The following LRTM3 variants were observed in gnomAD, a reference collection of about 807,000 sequenced individuals.
LRTM3 encodes leucine rich repeat transmembrane protein 3, also known as leucine-rich repeat transmembrane protein 3.
the LRTM3 span, chr13:102,748,667 T>C: frequency 6.4e-7 from 1 of 1,550,506 alleles, no homozygotes; most frequent in Non-Finnish European, 8.7e-7. Flanking sequence ...ATCAAATGGT[T>C]TTTTACTATT....
the LRTM3 span, chr13:102,739,384 T>C: frequency 6.4e-7 from 1 of 1,550,468 alleles, no homozygotes; most frequent in Middle Eastern, 1.7e-4. Flanking sequence ...TAATTGACTC[T>C]GCAGATGATA....
chr13:102,744,869 T>C, the LRTM3 span: 2 of 1,550,744 alleles, frequency 1.3e-6, no homozygotes, highest in Non-Finnish European at 8.7e-7. Context: ...TTGTAGATCT[T>C]TATTAAACTC....
chr13:102,737,637 G>A, the LRTM3 span: 1 of 1,550,350 alleles, frequency 6.5e-7, no homozygotes, highest in Non-Finnish European at 8.7e-7. Flanking sequence ...TTGTCTTCTG[G>A]ATGCATTAAG....
the LRTM3 span, chr13:102,732,083 T>G: frequency 6.4e-7 from 1 of 1,551,434 alleles, no homozygotes; most frequent in Admixed American, 2.0e-5. Context: ...CTGGGGATCT[T>G]GTGGAACTGT....
the LRTM3 span, chr13:102,744,470 A>G: frequency 4.5e-6 from 7 of 1,550,602 alleles, no homozygotes; most frequent in African/African-American, 5.5e-5. Flanking sequence ...TGAAGTCTTT[A>G]GACCTTCCAT....
the LRTM3 span, chr13:102,740,845 C>T: frequency 1.3e-6 from 2 of 1,549,842 alleles, no homozygotes; most frequent in Non-Finnish European, 1.7e-6. Flanking sequence ...CTTTCTTTAC[C>T]TTTGGTGACT....
At chr13:102,735,965 A>C in the LRTM3 span, 10 of 1,549,024 alleles carry the variant, frequency 6.5e-6, no homozygotes, top group Non-Finnish European at 7.9e-6. Flanking sequence ...ATTGCATAGA[A>C]GTGCAAGTGG....
chr13:102,744,257 A>G, the LRTM3 span: 10 of 1,550,428 alleles, frequency 6.4e-6, no homozygotes, highest in Non-Finnish European at 8.7e-6. Flanking sequence ...TTTCTTGCCT[A>G]TAAACTCTAA....
the LRTM3 span, among the ~76,000 whole-genome samples, chr13:102,757,913 C>A: frequency 1.3e-5 from 2 of 152,212 alleles, no homozygotes; most frequent in South Asian, 4.2e-4. Flanking sequence ...GAATGGATTT[C>A]AATTAAAACA....
chr13:102,756,932 G>A, the LRTM3 span, among the ~76,000 whole-genome samples: 3 of 152,052 alleles, frequency 2.0e-5, no homozygotes, highest in African/African-American at 2.4e-5. Flanking sequence ...AATAGGACAC[G>A]GGGATGGAAA....
the LRTM3 span, chr13:102,738,688 T>C: frequency 6.4e-7 from 1 of 1,550,704 alleles, no homozygotes; most frequent in Non-Finnish European, 8.7e-7. Context: ...GGAGATTTGG[T>C]TGTGAAAAAG....
the LRTM3 span, chr13:102,742,135 G>T: frequency 6.5e-7 from 1 of 1,550,276 alleles, no homozygotes; most frequent in African/African-American, 1.4e-5. Context: ...AGTATCCAGA[G>T]TCATAAACAG....
the LRTM3 span, chr13:102,729,997 T>G: frequency 6.4e-7 from 1 of 1,551,644 alleles, no homozygotes; most frequent in Non-Finnish European, 8.7e-7. Flanking sequence ...AAATCTTCTC[T>G]TCACTGAATG....
chr13:102,749,826 T>A, the LRTM3 span: 1 of 1,551,256 alleles, frequency 6.4e-7, no homozygotes, highest in Admixed American at 2.0e-5. Context: ...TGGACAGAAA[T>A]AACCATTCCA....
chr13:102,737,960 G>A, the LRTM3 span: 1 of 1,550,806 alleles, frequency 6.4e-7, no homozygotes, highest in Non-Finnish European at 8.7e-7. Flanking sequence ...TACTCCATCT[G>A]CTTTCTGTTG....
chr13:102,744,629 T>A, the LRTM3 span: 4 of 1,550,766 alleles, frequency 2.6e-6, no homozygotes, highest in Non-Finnish European at 3.5e-6. Context: ...ACTCTTCGGT[T>A]CAGATCCTGA....
At chr13:102,731,483 A>G in the LRTM3 span, 3 of 1,551,254 alleles carry the variant, frequency 1.9e-6, no homozygotes, top group East Asian at 7.3e-5. Context: ...AAACTGTTCT[A>G]AAAGGGATTT....
chr13:102,749,698 A>G, the LRTM3 span: 5 of 1,551,412 alleles, frequency 3.2e-6, no homozygotes, highest in South Asian at 1.2e-5. Flanking sequence ...CTTTGCTCTC[A>G]GGCTGGCTCT....
the LRTM3 span, chr13:102,736,281 T>C: frequency 7.7e-6 from 12 of 1,551,110 alleles, no homozygotes; most frequent in South Asian, 1.3e-4. Flanking sequence ...CTCTCTTTCA[T>C]GCCCCACTGT....
Sources: allele counts gnomAD v4.1 joint callset (sites outside exome capture counted in the v4.1 genomes callset), GRCh38; gene constraint gnomAD v4.1.1; transcripts MANE v1.5; gene names NCBI Gene and HGNC (gene_info 2026-07-23, HGNC 2026-07-21).